Variants in CALD1 observed in about 807,000 individuals in gnomAD.
CALD1 encodes caldesmon 1, also known as caldesmon.
In CALD1, 33 loss-of-function variants were observed where a neutral mutation model predicts 99.9. The ratio of observed to expected loss-of-function variants is 0.33; its 90% CI spans 0.25 to 0.44. The LOEUF (loss-of-function observed/expected upper bound fraction) is 0.44. Among genes scored for constraint, CALD1 ranks in the 20% least tolerant of loss-of-function variants. The pLI, the probability that CALD1 is intolerant of heterozygous loss-of-function variation, is 1.00. For missense variants in CALD1, 861 were observed against 962.1 expected, an observed-to-expected ratio of 0.89 and a Z score of 1.39; for synonymous variants, 310 against 325.0, an observed-to-expected ratio of 0.95 and a Z score of 0.50.
At chr7:134,948,951 G>A (rs574107614) in intron 8 of CALD1, among the ~76,000 whole-genome samples, 10 of 151,900 alleles carry the variant, frequency 6.6e-5, no homozygotes, top group Non-Finnish European at 1.0e-4. Flanking sequence ...GTGCAATCTC[G>A]GAACACACCC....
chr7:134,939,900 G>A (rs1358988423), intron 6 of CALD1, among the ~76,000 whole-genome samples: 1 of 152,110 alleles, frequency 6.6e-6, no homozygotes, highest in East Asian at 1.9e-4. Context: ...GGAGGTGGAA[G>A]CTGCAGTGAG....
chr7:134,722,268 G>T, the CALD1 span, among the ~76,000 whole-genome samples: 1 of 151,910 alleles, frequency 6.6e-6, no homozygotes, highest in Non-Finnish European at 1.5e-5. Flanking sequence ...TCTTCTCTTT[G>T]CCACTTTTTT....
chr7:134,923,629 A>C (rs1804775253), intron 3 of CALD1, among the ~76,000 whole-genome samples: 1 of 152,232 alleles, frequency 6.6e-6, no homozygotes. Context: ...AAATACATTT[A>C]AATCTGGCGT....
intron 4 of CALD1, among the ~76,000 whole-genome samples, chr7:134,931,097 T>C (rs940843502): frequency 6.6e-6 from 1 of 152,194 alleles, no homozygotes; most frequent in African/African-American, 2.4e-5. Context: ...CAAATTCTTT[T>C]TTTTTTTAGA....
chr7:134,875,929 A>G (rs1227946156), intron 3 of CALD1, among the ~76,000 whole-genome samples: 1 of 152,214 alleles, frequency 6.6e-6, no homozygotes, highest in Non-Finnish European at 1.5e-5. Context: ...TGATATGACT[A>G]TTCTTGACTT....
At chr7:134,717,125 C>T in the CALD1 span, among the ~76,000 whole-genome samples, 1 of 152,196 alleles carries the variant, frequency 6.6e-6, no homozygotes, top group African/African-American at 2.4e-5. Context: ...CCCACCTCAA[C>T]ACACACAGTT....
At chr7:134,913,656 C>A (rs568633166) in intron 3 of CALD1, among the ~76,000 whole-genome samples, 1 of 150,604 alleles carries the variant, frequency 6.6e-6, no homozygotes, top group African/African-American at 2.4e-5. Flanking sequence ...ATTTAGAAAC[C>A]ATTGGCTTAG....
rs139904635 is a variant in CALD1, at chr7:134,871,827, G to A, written c.71+4023G>A. Among the ~76,000 whole-genome samples, 141 of 152,114 alleles carry A rather than the reference G, an allele frequency of 9.3e-4. 2 individuals are homozygous for A. The highest frequency in any genetic ancestry group is 2.3e-3 in the African/African-American group (95 of 41,492). On this transcript the variant is annotated intron_variant, in intron 3 of 14. Coordinates refer to ENST00000361675, the MANE Select transcript of CALD1 (RefSeq NM_033138.4). ...TAATTTAAAACTTGTACTTTTACCCGGTGTTATAACCACAGATTAAAATAA... is the reference window on the plus strand; with the variant it reads ...TAATTTAAAACTTGTACTTTTACCCAGTGTTATAACCACAGATTAAAATAA...
chr7:134,893,753 C>G (rs375457248), intron 3 of CALD1, among the ~76,000 whole-genome samples: 2 of 152,148 alleles, frequency 1.3e-5, no homozygotes, highest in Non-Finnish European at 2.9e-5. Flanking sequence ...TACCGTCAAT[C>G]GAGGAAAATG....
At chr7:134,846,434 C>T (rs1467617964) in intron 2 of CALD1, among the ~76,000 whole-genome samples, 1 of 152,154 alleles carries the variant, frequency 6.6e-6, no homozygotes, top group Non-Finnish European at 1.5e-5. Context: ...CATTACCAGC[C>T]TCCCCTCTCT....
Position 134,871,421 on chromosome 7 carries a change from A to C in CALD1, c.71+3617A>C, listed in dbSNP as rs1389514738. ...GCTGCAGATTCATTTACTTACTCTC[A>C]ACACATTTTTACTGGGCATCTATTC... On this transcript the variant is annotated intron_variant, in intron 3 of 14. Coordinates refer to ENST00000361675, the MANE Select transcript of CALD1 (RefSeq NM_033138.4). Among the ~76,000 whole-genome samples, 3 of 152,132 alleles carry C rather than the reference A, an allele frequency of 2.0e-5. No homozygotes were observed. In the East Asian group the frequency reaches 5.8e-4, roughly 29 times the overall value.
At chr7:134,743,165 CTTGGGG>C (rs1403428868), upstream of CALD1, among the ~76,000 whole-genome samples, 1 of 152,158 alleles carries the variant, frequency 6.6e-6, no homozygotes, top group Non-Finnish European at 1.5e-5. Flanking sequence ...TTGGCGGAAA[CTTGGGG>C]ATCAGCCCCC....
rs1412676056 is a variant in CALD1, at chr7:134,891,636, G to A, written c.71+23832G>A. The A allele has an allele frequency of 5.0e-6, 8 of 1,608,890 alleles. No individual in the cohort carries two copies. The Admixed American group carries it at 6.7e-5, about 13-fold the overall frequency. On this transcript the variant is annotated intron_variant, in intron 3 of 14. Coordinates refer to ENST00000361675, the MANE Select transcript of CALD1 (RefSeq NM_033138.4). The stretch of plus-strand genomic sequence containing the variant: ...AACTGCGGACATGCTGGGTGGATCC[G>A]GATCGCATGGAAGACGCAGCCTGGC...
chr7:134,753,761 T>A (rs1308345948), intron 1 of CALD1, among the ~76,000 whole-genome samples: 1 of 152,206 alleles, frequency 6.6e-6, no homozygotes, highest in Non-Finnish European at 1.5e-5. Flanking sequence ...GTAGTGCTGG[T>A]CCTTGACTAC....
At chr7:134,852,630 G>C (rs1225575418) in intron 2 of CALD1, among the ~76,000 whole-genome samples, 1 of 152,052 alleles carries the variant, frequency 6.6e-6, no homozygotes, top group Non-Finnish European at 1.5e-5. Flanking sequence ...GTAAACCCTG[G>C]GCTGCTCCTG....
chr7:134,826,086 A>G (rs1798979724), intron 1 of CALD1, among the ~76,000 whole-genome samples: 1 of 152,110 alleles, frequency 6.6e-6, no homozygotes, highest in Non-Finnish European at 1.5e-5. Flanking sequence ...TCCCCAAACT[A>G]CTGTTTACTT....
chr7:134,736,729 C>A, the CALD1 span, among the ~76,000 whole-genome samples: 1 of 152,176 alleles, frequency 6.6e-6, no homozygotes, highest in Non-Finnish European at 1.5e-5. Flanking sequence ...TTTATATACG[C>A]TATTCAGTTT....
At chr7:134,763,010 A>T (rs1321048833) in intron 1 of CALD1, among the ~76,000 whole-genome samples, 1 of 152,214 alleles carries the variant, frequency 6.6e-6, no homozygotes, top group Non-Finnish European at 1.5e-5. Context: ...TTAGATCTAG[A>T]TCTAGATCTA....
the CALD1 span, among the ~76,000 whole-genome samples, chr7:134,724,376 T>C: frequency 6.6e-6 from 1 of 152,128 alleles, no homozygotes; most frequent in African/African-American, 2.4e-5. Context: ...CAGGGGAAGC[T>C]GAGAGAAAGG....
Sources: gnomAD v4.1 joint callset for allele counts (sites outside exome capture counted in the v4.1 genomes callset) on GRCh38, gnomAD v4.1.1 for gene constraint, MANE v1.5 for transcripts, NCBI Gene and HGNC (gene_info 2026-07-23, HGNC 2026-07-21) for gene names.